ABLIM2: variants seen among roughly 807,000 people sequenced by gnomAD.
ABLIM2 encodes the protein actin binding LIM protein family member 2.
A neutral mutation model predicts 97.7 loss-of-function variants in ABLIM2; 53 were observed. The ratio of observed to expected loss-of-function variants is 0.54; its 90% CI spans 0.44 to 0.68. The LOEUF is 0.68. ABLIM2 is among the 30% of genes least tolerant of loss of function. The pLI is 0.00. For missense variants in ABLIM2, 835 were observed against 867.2 expected, an observed-to-expected ratio of 0.96 and a Z score of 0.47; for synonymous variants, 361 against 345.8, an observed-to-expected ratio of 1.04 and a Z score of -0.49.
intron 20 of ABLIM2, among the ~76,000 whole-genome samples, chr4:7,976,660 A>G (rs182308252): frequency 6.6e-5 from 10 of 152,042 alleles, no homozygotes; most frequent in African/African-American, 1.9e-4. Context: ...CTCATCTTAC[A>G]CAACACATGC....
intron 20 of ABLIM2, among the ~76,000 whole-genome samples, chr4:7,971,449 G>C (rs1304879010): frequency 6.6e-6 from 1 of 152,190 alleles, no homozygotes; most frequent in Non-Finnish European, 1.5e-5. Flanking sequence ...TTTCCCCAGG[G>C]AACATCCTGC....
chr4:7,988,371 C>T (rs905284937), intron 17 of ABLIM2, among the ~76,000 whole-genome samples: 5 of 152,178 alleles, frequency 3.3e-5, no homozygotes, highest in African/African-American at 1.2e-4. Context: ...CATTCTCTAA[C>T]CTTTGCTGCA....
intron 1 of ABLIM2, among the ~76,000 whole-genome samples, chr4:8,119,969 G>A (rs1246209798): frequency 1.3e-5 from 2 of 152,152 alleles, no homozygotes; most frequent in Admixed American, 6.5e-5. Context: ...AGCTCCTTCC[G>A]GCATGAAATC....
intron 1 of ABLIM2, among the ~76,000 whole-genome samples, chr4:8,117,868 T>C (rs1843490120): frequency 6.6e-6 from 1 of 152,200 alleles, no homozygotes; most frequent in South Asian, 2.1e-4. Context: ...AGCTGCTCAC[T>C]GTGGGAAGAG....
chr4:8,019,395 C>T lies in ABLIM2; in HGVS notation c.1423+223G>A, dbSNP rs952161313. On this transcript the variant is annotated intron_variant, in intron 14 of 20. Coordinates refer to ENST00000447017, the MANE Select transcript of ABLIM2 (RefSeq NM_001130083.2). The surrounding 1 kb of genome is among the most constrained non-coding windows in gnomAD (Gnocchi z 4.3). The stretch of plus-strand genomic sequence containing the variant: ...ATGTGCATTAGCCTCGGCGTCGTAA[C>T]GCACAGAAGTTCCTTACTCAGACAT... Among the ~76,000 whole-genome samples, 4 of 152,156 alleles carry T rather than the reference C, an allele frequency of 2.6e-5. No individual in the cohort carries two copies. The highest frequency in any genetic ancestry group is 7.2e-5 in the African/African-American group (3 of 41,430).
intron 8 of ABLIM2, among the ~76,000 whole-genome samples, chr4:8,053,830 GTTCCCGCC>G (rs1257407526): frequency 6.6e-6 from 1 of 152,088 alleles, no homozygotes; most frequent in African/African-American, 2.4e-5. Flanking sequence ...TTGTTCATGA[GTTCCCGCC>G]TTCTCTCCCC....
At position 8,067,673 on chromosome 4, in the gene ABLIM2, G is replaced by A. The variant is rs73216477; in HGVS notation, c.676-6619C>T. The A allele has an allele frequency of 0.14, 20,700 of 152,330 alleles. 1,886 individuals are homozygous for A. The highest frequency in any genetic ancestry group is 0.32 in the East Asian group (1,665 of 5,170). 9.4% of individuals were successfully genotyped at this position (152,330 alleles called of 1,614,324 possible). Reference sequence around the variant, plus strand: ...GTCTTCAGGCTCTGAGGAACACCACGGGGCCGTCAAGTGGACGGAGCAAAT... The same window carrying A: ...GTCTTCAGGCTCTGAGGAACACCACAGGGCCGTCAAGTGGACGGAGCAAAT... On this transcript the variant is annotated intron_variant, in intron 6 of 20. Coordinates refer to ENST00000447017, the MANE Select transcript of ABLIM2 (RefSeq NM_001130083.2). This position sits in a 1 kb window ranked among gnomAD's most constrained non-coding sequence, Gnocchi z 5.4.
At chr4:8,037,569 ACT>A (rs1785378838) in intron 9 of ABLIM2, among the ~76,000 whole-genome samples, 1 of 151,670 alleles carries the variant, frequency 6.6e-6, no homozygotes, top group Non-Finnish European at 1.5e-5. Flanking sequence ...ACCCCCACAC[ACT>A]GGCACACACC....
rs189947714 is a variant in ABLIM2 at position 8,113,420 on chromosome 4, C to G, written c.11-6783G>C. Among the ~76,000 whole-genome samples, 1 of 152,144 alleles carries G rather than the reference C, an allele frequency of 6.6e-6. No homozygotes were observed. Among genetic ancestry groups the G allele is most frequent in the Admixed American group, 6.5e-5 (1 of 15,282 alleles). ...GGGGATTTGCTTGACTGTTTATTTC[C>G]GATCTGTGCCCACGGATCTATATTT... is the stretch of plus-strand genomic sequence containing the variant. On this transcript the variant is annotated intron_variant, in intron 1 of 20. Coordinates refer to ENST00000447017, the MANE Select transcript of ABLIM2 (RefSeq NM_001130083.2). The surrounding 1 kb of genome is among the most constrained non-coding windows in gnomAD (Gnocchi z 4.5).
chr4:8,010,523 T>G (rs1231782202), intron 14 of ABLIM2: 2 of 985,764 alleles, frequency 2.0e-6, no homozygotes, highest in Non-Finnish European at 2.4e-6. Flanking sequence ...CCAGAGAGCT[T>G]GGAAATTTGG....
rs187186066 is a variant in ABLIM2 at position 8,045,023 on chromosome 4, G to A, written c.900+141C>T. 52 of 736,070 alleles carry A rather than the reference G, an allele frequency of 7.1e-5. No individual in the cohort carries two copies. The Admixed American group carries it at 1.1e-3, about 15-fold the overall frequency. The allele number at this position is 736,070 out of a possible 1,614,324, so 45.6% of individuals were successfully genotyped here. A position where few individuals can be genotyped will look rare whatever the true frequency, so the allele number is the denominator to read the frequency against. On this transcript the variant is annotated intron_variant, in intron 9 of 20. Coordinates refer to ENST00000447017, the MANE Select transcript of ABLIM2 (RefSeq NM_001130083.2). ...GTACCAACCTCCACCCCGAAGCAGG[G>A]ACAAGAGCAATGGCCGTACCTCAGG...
At chr4:7,976,441 C>T (rs555407574) in intron 20 of ABLIM2, among the ~76,000 whole-genome samples, 53 of 152,288 alleles carry the variant, frequency 3.5e-4, no homozygotes, top group African/African-American at 1.2e-3. Flanking sequence ...GGGTTGTTTT[C>T]AATTGCACAC....
intron 3 of ABLIM2, 37 bp downstream of exon 3, chr4:8,097,062 G>A: frequency 3.2e-6 from 5 of 1,572,822 alleles, no homozygotes; most frequent in Non-Finnish European, 4.3e-6. Context: ...GGCCCAGAGA[G>A]GCAGGGGAAG....
At chr4:8,077,458 G>T (rs1408769450) in intron 6 of ABLIM2, among the ~76,000 whole-genome samples, 170 bp downstream of exon 6, 1 of 152,220 alleles carries the variant, frequency 6.6e-6, no homozygotes, top group Non-Finnish European at 1.5e-5. Flanking sequence ...CACTGGGCAG[G>T]CCCTGGACAG....
chr4:8,008,459 G>A (rs1284930489), intron 15 of ABLIM2, among the ~76,000 whole-genome samples: 1 of 152,206 alleles, frequency 6.6e-6, no homozygotes, highest in Non-Finnish European at 1.5e-5. Context: ...TGAGGCTCTG[G>A]GAGGCCAGGG....
intron 2 of ABLIM2, among the ~76,000 whole-genome samples, chr4:8,105,789 CCCTT>C (rs1837074813): frequency 6.6e-6 from 1 of 152,238 alleles, no homozygotes; most frequent in African/African-American, 2.4e-5. Flanking sequence ...ATTTGCACAT[CCCTT>C]CCTCCAGTGC....
chr4:8,136,895 C>G (rs570269256), intron 1 of ABLIM2, among the ~76,000 whole-genome samples: 37 of 152,336 alleles, frequency 2.4e-4, no homozygotes, highest in African/African-American at 8.4e-4. Flanking sequence ...GTTTGTGGCT[C>G]CCCCTCCAAA....
chr4:7,983,656 C>T (rs1740865309), intron 18 of ABLIM2, 102 bp from the exon 19 acceptor site: 3 of 1,389,406 alleles, frequency 2.2e-6, no homozygotes, highest in Admixed American at 1.9e-5. Flanking sequence ...TGTCTCCCCC[C>T]TGCAGTCACC....
At chr4:8,100,203 T>A (rs1034559117) in intron 2 of ABLIM2, among the ~76,000 whole-genome samples, 2 of 152,206 alleles carry the variant, frequency 1.3e-5, no homozygotes, top group African/African-American at 4.8e-5. Flanking sequence ...CTCCTGGGAT[T>A]GTCCCAAGGA....
Sources: allele counts gnomAD v4.1 joint callset (sites outside exome capture counted in the v4.1 genomes callset), GRCh38; gene constraint gnomAD v4.1.1; non-coding constraint Gnocchi (gnomAD v3.1); transcripts MANE v1.5; gene names NCBI Gene and HGNC (gene_info 2026-07-23, HGNC 2026-07-21).